SOX5: variants seen among roughly 807,000 people sequenced by gnomAD.
SOX5 encodes transcription factor SOX-5.
Under a neutral mutation model 92.0 loss-of-function variants are expected in SOX5, and 9 were observed. That is an observed-to-expected ratio of 0.10 (90% CI 0.06 to 0.17). SOX5 has a LOEUF of 0.17. Ranked by LOEUF, SOX5 falls within the 10% of genes least tolerant of loss-of-function variation. The pLI is 1.00. For synonymous variants in SOX5, 344 were observed against 336.3 expected (o/e 1.02, Z -0.25); for missense variants, 642 against 944.5 (o/e 0.68, Z 4.20).
At chr12:23,865,278 T>C (rs1402606409) in intron 2 of SOX5, among the ~76,000 whole-genome samples, 2 of 152,212 alleles carry the variant, frequency 1.3e-5, no homozygotes, top group East Asian at 3.8e-4. Context: ...CTGCTGGATA[T>C]GTACAGGGAA....
intron 6 of SOX5, among the ~76,000 whole-genome samples, chr12:23,691,977 A>G (rs1389823524): frequency 6.6e-6 from 1 of 151,830 alleles, no homozygotes; most frequent in African/African-American, 2.4e-5. Context: ...AATTTTCTTT[A>G]TTTACTGAGA....
At chr12:24,262,885 C>G (rs1411017977) in intron 3 of SOX5, among the ~76,000 whole-genome samples, 3 of 152,146 alleles carry the variant, frequency 2.0e-5, no homozygotes, top group African/African-American at 7.2e-5. Context: ...CATCAATAGA[C>G]TGGGAGTGCA....
intron 6 of SOX5, among the ~76,000 whole-genome samples, chr12:23,671,182 CA>C (rs2084721751): frequency 2.0e-5 from 3 of 152,104 alleles, no homozygotes; most frequent in African/African-American, 7.2e-5. Flanking sequence ...TCAAACAGCA[CA>C]AACTTATGGT....
chr12:24,302,467 G>A (rs1948088568), intron 2 of SOX5, among the ~76,000 whole-genome samples: 1 of 152,082 alleles, frequency 6.6e-6, no homozygotes, highest in South Asian at 2.1e-4. Context: ...AACATTTTCA[G>A]AGAGTTTCAA....
chr12:24,011,403 A>T (rs372786125), intron 4 of SOX5, among the ~76,000 whole-genome samples: 37 of 152,320 alleles, frequency 2.4e-4, no homozygotes, highest in African/African-American at 8.9e-4. Flanking sequence ...TATTTTACCA[A>T]AATTGTAGAT....
chr12:24,185,663 T>C (rs1398505855), intron 4 of SOX5, among the ~76,000 whole-genome samples: 1 of 152,176 alleles, frequency 6.6e-6, no homozygotes, highest in African/African-American at 2.4e-5. Context: ...GCTGAACTTT[T>C]CTGTTCCATA....
intron 1 of SOX5, among the ~76,000 whole-genome samples, chr12:24,406,304 C>A (rs946217521): frequency 6.6e-6 from 1 of 152,056 alleles, no homozygotes; most frequent in African/African-American, 2.4e-5. Flanking sequence ...AGAAGCCCTG[C>A]CCAAGTCAGA....
At chr12:24,442,195 G>GA (rs1940723355) in intron 1 of SOX5, among the ~76,000 whole-genome samples, 1 of 152,200 alleles carries the variant, frequency 6.6e-6, no homozygotes, top group African/African-American at 2.4e-5. Flanking sequence ...TATATTGCTA[G>GA]AACGCAATCC....
intron 4 of SOX5, among the ~76,000 whole-genome samples, chr12:24,131,241 A>T (rs1370724937): frequency 1.3e-5 from 2 of 152,210 alleles, no homozygotes; most frequent in African/African-American, 4.8e-5. Flanking sequence ...TGTGTTTAGG[A>T]TCTACATGCT....
chr12:24,095,112 C>CAG lies in SOX5; in HGVS notation c.-2+118230_-2+118231insCT, dbSNP rs1569540685. Among the ~76,000 whole-genome samples the CAG allele has an allele frequency of 3.9e-5, 4 of 102,182 alleles. No individual in the cohort carries two copies. The East Asian group carries it at 1.0e-3, about 27-fold the overall frequency. The allele number at this position is 102,182 out of a possible 152,430, so 67.0% of individuals were successfully genotyped here. A position where few individuals can be genotyped will look rare whatever the true frequency, so the allele number is the denominator to read the frequency against. The stretch of plus-strand genomic sequence containing the variant: ...CGAAACACACACACACACACACACA[C>CAG]ACACACACACACACACAGAGAGAGA... On this transcript the variant is annotated intron_variant, in intron 4 of 4. Coordinates refer to the SOX5 transcript ENST00000446891.
intron 6 of SOX5, among the ~76,000 whole-genome samples, chr12:23,676,878 C>G (rs2085790118): frequency 6.6e-6 from 1 of 152,148 alleles, no homozygotes; most frequent in Non-Finnish European, 1.5e-5. Flanking sequence ...TTGTGTCTGT[C>G]TCCATGGCTA....
intron 1 of SOX5, among the ~76,000 whole-genome samples, chr12:23,928,170 T>C (rs747705206): frequency 3.3e-5 from 5 of 151,784 alleles, no homozygotes; most frequent in Non-Finnish European, 5.9e-5. Context: ...AAAATACCGG[T>C]GAAAAGCTAA....
At chr12:23,988,196 T>C (rs1358509147) in intron 4 of SOX5, among the ~76,000 whole-genome samples, 2 of 152,202 alleles carry the variant, frequency 1.3e-5, no homozygotes, top group Non-Finnish European at 1.5e-5. Flanking sequence ...AGGAGCAAGC[T>C]TGTAGGAAAA....
At chr12:24,533,775 A>AATATGATG (rs764379644) in intron 1 of SOX5, among the ~76,000 whole-genome samples, 6 of 152,226 alleles carry the variant, frequency 3.9e-5, no homozygotes, top group Non-Finnish European at 7.3e-5. Context: ...CCCATAACAG[A>AATATGATG]ATATGATGAC....
chr12:24,086,194 C>T (rs1037123164), intron 4 of SOX5, among the ~76,000 whole-genome samples: 1 of 151,356 alleles, frequency 6.6e-6, no homozygotes, highest in Admixed American at 6.6e-5. Context: ...AAATGCAGTA[C>T]ATTTTTTTTT....
At chr12:24,181,002 G>A (rs567469863) in intron 4 of SOX5, among the ~76,000 whole-genome samples, 1 of 152,248 alleles carries the variant, frequency 6.6e-6, no homozygotes, top group South Asian at 2.1e-4. Flanking sequence ...GGTGTTTAAA[G>A]AGAAGTATTT....
At chr12:23,990,487 T>C (rs960681244) in intron 4 of SOX5, among the ~76,000 whole-genome samples, 1 of 152,200 alleles carries the variant, frequency 6.6e-6, no homozygotes, top group Non-Finnish European at 1.5e-5. Context: ...ACATCTGTGT[T>C]ATACGCAGGC....
intron 2 of SOX5, among the ~76,000 whole-genome samples, chr12:24,304,576 A>G (rs545401984): frequency 6.6e-6 from 1 of 152,276 alleles, no homozygotes; most frequent in African/African-American, 2.4e-5. Flanking sequence ...GCCTCTCCAC[A>G]GCACTGGTGT....
chr12:23,845,728 C>A (rs371283814), intron 3 of SOX5, among the ~76,000 whole-genome samples: 2 of 152,086 alleles, frequency 1.3e-5, no homozygotes, highest in African/African-American at 4.8e-5. Flanking sequence ...ACATTCTATT[C>A]TTGAATCTTT....
Sources: allele counts gnomAD v4.1 joint callset (sites outside exome capture counted in the v4.1 genomes callset), GRCh38; gene constraint gnomAD v4.1.1; transcripts MANE v1.5; gene names NCBI Gene and HGNC (gene_info 2026-07-23, HGNC 2026-07-21).